PEX5L: variants seen among roughly 807,000 people sequenced by gnomAD.
PEX5L encodes PEX5-related protein.
PEX5L carries 30 observed loss-of-function variants against 84.0 expected under a neutral mutation model. The observed-to-expected ratio is 0.36, with a 90% CI of 0.27 to 0.48. PEX5L has a LOEUF of 0.48. PEX5L is among the 20% of genes least tolerant of loss of function. The probability of loss-of-function intolerance (pLI) is 0.99; values close to 1 mark genes in which losing one functional copy is unlikely to be tolerated. For synonymous variants in PEX5L, 270 were observed against 283.1 expected (o/e 0.95, Z 0.46); for missense variants, 533 against 754.6 (o/e 0.71, Z 3.44).
chr3:179,913,784 G>C (rs1766013048), intron 2 of PEX5L, among the ~76,000 whole-genome samples: 1 of 152,080 alleles, frequency 6.6e-6, no homozygotes, highest in Non-Finnish European at 1.5e-5. Flanking sequence ...AACTTAACTT[G>C]GATTCGTGTA....
At chr3:179,934,780 G>A (rs1294800182) in intron 2 of PEX5L, among the ~76,000 whole-genome samples, 1 of 152,086 alleles carries the variant, frequency 6.6e-6, no homozygotes, top group Non-Finnish European at 1.5e-5. Flanking sequence ...TACTCTAATT[G>A]TTTGGAAACT....
At chr3:179,890,676 A>C (rs1178854007) in intron 3 of PEX5L, among the ~76,000 whole-genome samples, 9 of 152,172 alleles carry the variant, frequency 5.9e-5, no homozygotes, top group South Asian at 4.1e-4. Context: ...CCTTAGTAAA[A>C]AAACAAACAA....
intron 5 of PEX5L, among the ~76,000 whole-genome samples, chr3:179,875,811 A>C (rs1424844938): frequency 6.6e-6 from 1 of 152,200 alleles, no homozygotes; most frequent in Non-Finnish European, 1.5e-5. Context: ...TCTTGTATAT[A>C]AGCCTGTGCG....
rs185456744 is a variant in PEX5L, at chr3:180,012,118, T to C, written c.21+24461A>G. Among the ~76,000 whole-genome samples, 5 of 152,208 alleles carry C rather than the reference T, an allele frequency of 3.3e-5. No homozygotes were observed. In the East Asian group the frequency reaches 5.8e-4, roughly 18 times the overall value. ...TTAATCCTTAAATGGATTTATATTA[T>C]CGTAATTCCATCTGCCCCAGGTTTG... On this transcript the variant is annotated intron_variant, in intron 1 of 14. Transcript: ENST00000467460.
intron 10 of PEX5L, 89 bp downstream of exon 10, chr3:179,815,772 G>A: frequency 7.0e-7 from 1 of 1,431,510 alleles, no homozygotes; most frequent in Non-Finnish European, 9.7e-7. Flanking sequence ...TTTACTTGAT[G>A]AAAAGCTGAC....
chr3:179,996,366 T>C (rs555967257), intron 1 of PEX5L, among the ~76,000 whole-genome samples: 1 of 152,242 alleles, frequency 6.6e-6, no homozygotes, highest in South Asian at 2.1e-4. Flanking sequence ...GCCCACTAAG[T>C]AGGGACTCTG....
chr3:179,851,663 T>C (rs1741948940), intron 8 of PEX5L, among the ~76,000 whole-genome samples: 1 of 152,140 alleles, frequency 6.6e-6, no homozygotes, highest in Non-Finnish European at 1.5e-5. Flanking sequence ...CCCTCTGCAA[T>C]AGGACATATA....
At chr3:179,842,788 T>C (rs939105274) in intron 8 of PEX5L, among the ~76,000 whole-genome samples, 12 of 152,030 alleles carry the variant, frequency 7.9e-5, no homozygotes, top group African/African-American at 2.9e-4. Flanking sequence ...GGACATAGAT[T>C]AAGGAATGAT....
At chr3:179,817,779 A>C (rs1726724183) in intron 9 of PEX5L, among the ~76,000 whole-genome samples, 1 of 152,210 alleles carries the variant, frequency 6.6e-6, no homozygotes, top group African/African-American at 2.4e-5. Flanking sequence ...GGTGCTTAGA[A>C]GGACAAAATG....
intron 1 of PEX5L, among the ~76,000 whole-genome samples, chr3:179,998,232 A>G (rs780454354): frequency 2.2e-4 from 34 of 152,220 alleles, no homozygotes; most frequent in Non-Finnish European, 3.8e-4. Flanking sequence ...AAGAGGCACA[A>G]TGCTTAGTGG....
intron 8 of PEX5L, among the ~76,000 whole-genome samples, chr3:179,821,937 G>A (rs1728669848): frequency 1.3e-5 from 2 of 152,108 alleles, no homozygotes. Flanking sequence ...TTTCTATGAT[G>A]AGCATACTTT....
At chr3:179,875,597 T>A in intron 5 of PEX5L, 120 bp from the exon 6 acceptor site, 2 of 667,970 alleles carry the variant, frequency 3.0e-6, no homozygotes, top group African/African-American at 3.6e-5. Flanking sequence ...TTAATTAAGA[T>A]TGAAAAATCT....
chr3:179,923,096 T>C (rs1210568898), intron 2 of PEX5L, among the ~76,000 whole-genome samples: 3 of 151,626 alleles, frequency 2.0e-5, no homozygotes, highest in Non-Finnish European at 1.5e-5. Context: ...AAGACCATCC[T>C]GGCTAACACG....
intron 8 of PEX5L, among the ~76,000 whole-genome samples, chr3:179,856,759 G>A (rs1744131545): frequency 6.6e-6 from 1 of 152,132 alleles, no homozygotes; most frequent in Admixed American, 6.5e-5. Context: ...ATTCCTTAGG[G>A]AGGCTTCCCA....
At chr3:179,923,874 T>G in intron 2 of PEX5L, among the ~76,000 whole-genome samples, 1 of 152,218 alleles carries the variant, frequency 6.6e-6, no homozygotes, top group South Asian at 2.1e-4. Flanking sequence ...GTTTCATCTA[T>G]GCGACTGGCC....
At chr3:179,826,523 A>C (rs1406421512) in intron 8 of PEX5L, among the ~76,000 whole-genome samples, 1 of 152,150 alleles carries the variant, frequency 6.6e-6, no homozygotes, top group East Asian at 1.9e-4. Context: ...TTGCAGGGCC[A>C]GTTTCTCAGT....
At position 179,796,430 on chromosome 3, in the gene PEX5L, T is replaced by G. The variant is rs1716986173; in HGVS notation, c.*5398A>C. The G allele has an allele frequency of 6.6e-6, 1 of 152,186 alleles. No individual in the cohort carries two copies. The highest frequency in any genetic ancestry group is 1.5e-5 in the Non-Finnish European group (1 of 68,030). The allele number at this position is 152,186 out of a possible 1,614,324, so 9.4% of individuals were successfully genotyped here. ...CTAGACTGTGTTATTTTGGTATTTC[T>G]GCAGAAGCTGCAGGTAGTGGAAACT... On this transcript the variant is annotated 3_prime_UTR_variant, in exon 15 of 15. Coordinates refer to ENST00000467460, the MANE Select transcript of PEX5L (RefSeq NM_016559.3).
intron 2 of PEX5L, among the ~76,000 whole-genome samples, chr3:179,904,617 C>T (rs1469661289): frequency 6.6e-6 from 1 of 152,158 alleles, no homozygotes; most frequent in African/African-American, 2.4e-5. Flanking sequence ...TCTATTACTA[C>T]ATTGGGATAA....
intron 1 of PEX5L, among the ~76,000 whole-genome samples, chr3:179,994,314 A>C (rs1225444238): frequency 1.3e-5 from 2 of 152,220 alleles, no homozygotes; most frequent in Non-Finnish European, 2.9e-5. Context: ...AATGAATGTG[A>C]ATTCTGACCT....
Sources: gnomAD v4.1 joint callset for allele counts (sites outside exome capture counted in the v4.1 genomes callset) on GRCh38, gnomAD v4.1.1 for gene constraint, MANE v1.5 for transcripts, NCBI Gene and HGNC (gene_info 2026-07-23, HGNC 2026-07-21) for gene names.